Variants in PHF20 observed in about 807,000 individuals in gnomAD.
The protein encoded by PHF20 is glioma-expressed antigen 2.
PHF20 carries 23 observed loss-of-function variants against 113.5 expected under a neutral mutation model. The observed-to-expected ratio is 0.20, with a 90% confidence interval of 0.15 to 0.29. The LOEUF (loss-of-function observed/expected upper bound fraction) is 0.29, where lower values mean the gene tolerates loss of function less well. Among genes scored for constraint, PHF20 ranks in the 10% least tolerant of loss-of-function variants. The pLI is 1.00. For synonymous variants in PHF20, 434 were observed against 457.3 expected (o/e 0.95, Z 0.65); for missense variants, 943 against 1,219.6 (o/e 0.77, Z 3.38).
chr20:35,795,207 GGAA>G (rs1267347664), intron 1 of PHF20, among the ~76,000 whole-genome samples: 1 of 149,812 alleles, frequency 6.7e-6, no homozygotes, highest in Non-Finnish European at 1.5e-5. Flanking sequence ...AAAAAAAAAA[GGAA>G]GAAAAATCTG....
chr20:35,833,877 G>T (rs867193991), intron 2 of PHF20, among the ~76,000 whole-genome samples: 26 of 152,084 alleles, frequency 1.7e-4, no homozygotes, highest in Middle Eastern at 6.8e-3. Context: ...GGCCAACATG[G>T]TGAAACCCCG....
chr20:35,819,166 G>A (rs2042125755), intron 2 of PHF20, among the ~76,000 whole-genome samples: 1 of 151,580 alleles, frequency 6.6e-6, no homozygotes, highest in Admixed American at 6.6e-5. Flanking sequence ...CCTGACCTCA[G>A]GTGATCTGCC....
At chr20:35,844,943 G>A (rs1172338490) in intron 3 of PHF20, among the ~76,000 whole-genome samples, 2 of 151,906 alleles carry the variant, frequency 1.3e-5, no homozygotes, top group Non-Finnish European at 2.9e-5. Context: ...AATTTATATT[G>A]TCAGATAGCC....
In PHF20 at chr20:35,947,668, A is replaced by G. The variant is rs1272213424; in HGVS notation, c.*41A>G. The G allele has an allele frequency of 1.3e-6, 2 of 1,593,474 alleles. No individual in the cohort carries two copies. The highest frequency in any genetic ancestry group is 2.7e-5 in the African/African-American group (2 of 74,320). ...ACTCATGGGGGCACAATCCTGGGGCACCTGCAGGAGGAGCTTCGCATATTT... is the reference window on the plus strand; with the variant it reads ...ACTCATGGGGGCACAATCCTGGGGCGCCTGCAGGAGGAGCTTCGCATATTT... On this transcript the variant is annotated 3_prime_UTR_variant, in exon 18 of 18. Transcript: ENST00000374012.
chr20:35,932,253 G>T (rs1188878520), intron 15 of PHF20, among the ~76,000 whole-genome samples: 14 of 151,144 alleles, frequency 9.3e-5, no homozygotes, highest in Non-Finnish European at 2.1e-4. Flanking sequence ...GTTTTCTGTA[G>T]ATATAGGGTT....
chr20:35,912,299 G>A (rs1202454357), intron 10 of PHF20, among the ~76,000 whole-genome samples: 1 of 152,088 alleles, frequency 6.6e-6, no homozygotes, highest in African/African-American at 2.4e-5. Flanking sequence ...TTTCAATGGT[G>A]AAGCTATTAA....
chr20:35,788,470 A>G (rs1404173397), intron 1 of PHF20, among the ~76,000 whole-genome samples: 1 of 151,924 alleles, frequency 6.6e-6, no homozygotes, highest in African/African-American at 2.4e-5. Flanking sequence ...GGCCTCACTC[A>G]AGTGATCCTC....
chr20:35,814,908 T>C (rs944108256), intron 2 of PHF20, among the ~76,000 whole-genome samples: 18 of 144,958 alleles, frequency 1.2e-4, no homozygotes, highest in African/African-American at 4.3e-4. Flanking sequence ...AATAAATAAA[T>C]AAATAGGCCA....
chr20:35,774,094 T>G (rs2041122845), intron 1 of PHF20, among the ~76,000 whole-genome samples: 1 of 151,892 alleles, frequency 6.6e-6, no homozygotes, highest in South Asian at 2.1e-4. Flanking sequence ...CTTCTTTTTT[T>G]TTTTTTGAGA....
At chr20:35,852,649 A>G (rs972351639) in intron 4 of PHF20, among the ~76,000 whole-genome samples, 1 of 149,464 alleles carries the variant, frequency 6.7e-6, no homozygotes, top group Non-Finnish European at 1.5e-5. Flanking sequence ...CCCATGCTGG[A>G]GTGCAGTGGC....
chr20:35,865,179 C>CA (rs953769007), intron 6 of PHF20, among the ~76,000 whole-genome samples: 1 of 150,288 alleles, frequency 6.7e-6, no homozygotes, highest in Non-Finnish European at 1.5e-5. Context: ...GGCGACAAAA[C>CA]AAAAAAAAAT....
At chr20:35,794,438 G>C (rs1333300845) in intron 1 of PHF20, among the ~76,000 whole-genome samples, 1 of 152,138 alleles carries the variant, frequency 6.6e-6, no homozygotes, top group African/African-American at 2.4e-5. Flanking sequence ...GCACACAGCA[G>C]GCTCTCAATG....
At chr20:35,787,353 A>G (rs1329546702) in intron 1 of PHF20, among the ~76,000 whole-genome samples, 2 of 148,352 alleles carry the variant, frequency 1.3e-5, no homozygotes, top group African/African-American at 2.5e-5. Context: ...TTAATTTTGT[A>G]TTTTTAGTCT....
At chr20:35,855,836 G>A (rs2042816811) in intron 4 of PHF20, among the ~76,000 whole-genome samples, 2 of 151,862 alleles carry the variant, frequency 1.3e-5, no homozygotes. Flanking sequence ...ACCATACCTG[G>A]CTAATGTTTT....
intron 13 of PHF20, among the ~76,000 whole-genome samples, chr20:35,920,197 A>G (rs573297651): frequency 6.6e-6 from 1 of 152,326 alleles, no homozygotes; most frequent in African/African-American, 2.4e-5. Context: ...GTAATTTATG[A>G]TTCTTGGTTA....
At chr20:35,854,051 G>A (rs1371351300) in intron 4 of PHF20, among the ~76,000 whole-genome samples, 3 of 152,118 alleles carry the variant, frequency 2.0e-5, no homozygotes, top group Non-Finnish European at 2.9e-5. Flanking sequence ...ACCATGCCCG[G>A]CCGATGAAGA....
intron 9 of PHF20, among the ~76,000 whole-genome samples, chr20:35,883,223 CA>C (rs1225741434): frequency 6.6e-6 from 1 of 151,862 alleles, no homozygotes; most frequent in East Asian, 1.9e-4. Flanking sequence ...TCTGGAAAAA[CA>C]AAAACAAAAA....
intron 1 of PHF20, among the ~76,000 whole-genome samples, chr20:35,779,153 A>C (rs926561785): frequency 2.0e-5 from 3 of 151,504 alleles, no homozygotes; most frequent in African/African-American, 7.3e-5. Flanking sequence ...CTCCTGCTTC[A>C]GCCTCCCAAG....
At chr20:35,843,788 A>G (rs2042573721) in intron 3 of PHF20, among the ~76,000 whole-genome samples, 1 of 152,188 alleles carries the variant, frequency 6.6e-6, no homozygotes, top group East Asian at 1.9e-4. Context: ...ATTGTTGCCC[A>G]GGCTGGTCTT....
Sources: allele counts gnomAD v4.1 joint callset (sites outside exome capture counted in the v4.1 genomes callset), GRCh38; gene constraint gnomAD v4.1.1; transcripts MANE v1.5; gene names NCBI Gene and HGNC (gene_info 2026-07-23, HGNC 2026-07-21).